Variants in MACROD2 observed in about 807,000 individuals in gnomAD.
MACROD2 encodes the protein ADP-ribose glycohydrolase MACROD2.
MACROD2 carries 36 observed loss-of-function variants against 70.4 expected under a neutral mutation model. The observed-to-expected ratio is 0.51, with a 90% confidence interval of 0.39 to 0.68. The LOEUF is 0.68. Among genes scored for constraint, MACROD2 ranks in the 30% least tolerant of loss-of-function variants. MACROD2 has a pLI of 0.00. For synonymous variants in MACROD2, 172 were observed against 178.8 expected (o/e 0.96, Z 0.30); for missense variants, 496 against 538.4 (o/e 0.92, Z 0.78).
chr20:14,127,337 G>A (rs2054664183), intron 3 of MACROD2: 1 of 322,584 alleles, frequency 3.1e-6, no homozygotes, highest in Non-Finnish European at 5.9e-6. Context: ...TTGGGCCATA[G>A]TGTGCAGGTA....
At chr20:14,190,952 C>A (rs1423535911) in intron 3 of MACROD2, among the ~76,000 whole-genome samples, 4 of 151,674 alleles carry the variant, frequency 2.6e-5, no homozygotes, top group African/African-American at 9.7e-5. Flanking sequence ...CATGATCCGC[C>A]CGCCTCGGCC....
chr20:15,570,864 G>C (rs1042817871), intron 8 of MACROD2, among the ~76,000 whole-genome samples: 2 of 152,012 alleles, frequency 1.3e-5, no homozygotes, highest in Non-Finnish European at 2.9e-5. Context: ...AGTAGAGGTT[G>C]TTGCCAGATC....
intron 5 of MACROD2, among the ~76,000 whole-genome samples, chr20:14,771,861 A>G (rs1023352028): frequency 3.3e-5 from 5 of 151,546 alleles, no homozygotes. Context: ...TCTTTTTTGT[A>G]TGTAACCCAT....
chr20:15,964,415 C>G (rs1460068665), intron 12 of MACROD2, among the ~76,000 whole-genome samples: 2 of 152,048 alleles, frequency 1.3e-5, no homozygotes, highest in Non-Finnish European at 2.9e-5. Flanking sequence ...GGTAAGGGGA[C>G]TCTCTGGGAC....
chr20:14,319,986 A>G (rs540110423), intron 3 of MACROD2, among the ~76,000 whole-genome samples: 3 of 152,282 alleles, frequency 2.0e-5, no homozygotes, highest in Non-Finnish European at 2.9e-5. Context: ...AACATTCTGT[A>G]GACATGTCCA....
Position 14,348,569 on chromosome 20 carries a change from A to C in MACROD2, c.272-144910A>C, listed in dbSNP as rs1018556194. Reference sequence around the variant, plus strand: ...TATTAGTAGACAAAAAAAAAAAAGAATTTCTTATCAGTTTAGGAAAACCAC... The same window carrying C: ...TATTAGTAGACAAAAAAAAAAAAGACTTTCTTATCAGTTTAGGAAAACCAC... On this transcript the variant is annotated intron_variant, in intron 3 of 17. Coordinates refer to ENST00000684519, the MANE Select transcript of MACROD2 (RefSeq NM_001351661.2). Among the ~76,000 whole-genome samples, 9 of 152,114 alleles carry C rather than the reference A, an allele frequency of 5.9e-5. No homozygotes were observed. The South Asian group carries it at 1.0e-3, about 18-fold the overall frequency.
At chr20:15,519,929 A>T (rs2047629137) in intron 8 of MACROD2, among the ~76,000 whole-genome samples, 2 of 152,194 alleles carry the variant, frequency 1.3e-5, no homozygotes, top group Non-Finnish European at 2.9e-5. Flanking sequence ...TCAAGGGCCG[A>T]CCTGCAAAGG....
chr20:14,911,449 C>T (rs1053990350), intron 5 of MACROD2, among the ~76,000 whole-genome samples: 1 of 152,076 alleles, frequency 6.6e-6, no homozygotes, highest in Admixed American at 6.6e-5. Flanking sequence ...ATGATCTTGG[C>T]TCACTGCAGC....
intron 6 of MACROD2, among the ~76,000 whole-genome samples, chr20:15,290,449 G>A (rs2079605352): frequency 6.6e-6 from 1 of 152,056 alleles, no homozygotes; most frequent in South Asian, 2.1e-4. Context: ...GGGCGACAGT[G>A]GTTTTGTTTA....
intron 5 of MACROD2, among the ~76,000 whole-genome samples, chr20:14,750,682 A>G (rs1207966759): frequency 6.7e-6 from 1 of 148,232 alleles, no homozygotes; most frequent in Non-Finnish European, 1.5e-5. Flanking sequence ...CTGGTGTTGA[A>G]CTCCTGGGCT....
At chr20:14,287,656 T>G (rs1317102601) in intron 3 of MACROD2, among the ~76,000 whole-genome samples, 3 of 152,114 alleles carry the variant, frequency 2.0e-5, no homozygotes, top group Non-Finnish European at 2.9e-5. Context: ...GAGTCTTCTG[T>G]TTAGGTTCCC....
chr20:15,302,222 C>G (rs991671340), intron 6 of MACROD2, among the ~76,000 whole-genome samples: 1 of 152,156 alleles, frequency 6.6e-6, no homozygotes, highest in South Asian at 2.1e-4. Context: ...TAATGTCTTT[C>G]TGAAGGTCAT....
Position 14,326,166 on chromosome 20 carries a change from C to T in MACROD2, c.272-167313C>T, listed in dbSNP as rs368369103. 43 of 1,613,692 alleles carry T rather than the reference C, an allele frequency of 2.7e-5. No individual in the cohort carries two copies. The Middle Eastern group carries it at 4.9e-4, about 19-fold the overall frequency. ...TTGTTTCTGTTATAGATCCAAATGC[C>T]GGGCTATGGCCCAGTTTAAGCCAGC... On this transcript the variant is annotated intron_variant, in intron 3 of 17. Transcript: ENST00000684519. This position sits in a 1 kb window ranked among gnomAD's most constrained non-coding sequence, Gnocchi z 5.5.
intron 17 of MACROD2, among the ~76,000 whole-genome samples, chr20:16,045,138 G>A (rs1013122932): frequency 1.8e-4 from 28 of 152,204 alleles, no homozygotes; most frequent in African/African-American, 6.0e-4. Flanking sequence ...CTGTGGACCC[G>A]TGCGTCTGCA....
rs1446857101 is a variant in MACROD2 at position 15,625,254 on chromosome 20, TATAAA to T, written c.645+125409_645+125413del. 9.3e-3 allele frequency among the ~76,000 whole-genome samples: 1,409 copies of T among 152,270 alleles called. 18 individuals carry two copies. Among genetic ancestry groups the T allele is most frequent in the African/African-American group, 0.032 (1,335 of 41,536 alleles). On this transcript the variant is annotated intron_variant, in intron 8 of 17. Coordinates refer to ENST00000684519, the MANE Select transcript of MACROD2 (RefSeq NM_001351661.2). ...AAGTGTAGAGAAGACCACAAGTGACTATAAAACGAGGAAGCCCCGTAGCTAAGGGA... is the reference window on the plus strand; with the variant it reads ...AAGTGTAGAGAAGACCACAAGTGACTACGAGGAAGCCCCGTAGCTAAGGGA...
rs371051684 is a variant in MACROD2, at chr20:14,908,661, G to C, written c.418+223702G>C. Reference sequence around the variant, plus strand: ...CTGGGTGACAGAGCAGACTCTGTCTGCCAGAAAAAAAAAAAAGTGTATCTT... The same window carrying C: ...CTGGGTGACAGAGCAGACTCTGTCTCCCAGAAAAAAAAAAAAGTGTATCTT... On this transcript the variant is annotated intron_variant, in intron 5 of 17. Transcript: ENST00000684519. Among the ~76,000 whole-genome samples, 156 of 151,434 alleles carry C rather than the reference G, an allele frequency of 1.0e-3. 2 individuals are homozygous for C. Among genetic ancestry groups the C allele is most frequent in the African/African-American group, 3.4e-3 (142 of 41,290 alleles).
chr20:15,009,911 T>C (rs140100520), intron 5 of MACROD2, among the ~76,000 whole-genome samples: 4 of 152,186 alleles, frequency 2.6e-5, no homozygotes, highest in African/African-American at 7.2e-5. Flanking sequence ...TTCCCAGATA[T>C]ATAAAGTGTC....
chr20:14,652,215 C>A (rs983743042), intron 4 of MACROD2, among the ~76,000 whole-genome samples: 2 of 152,130 alleles, frequency 1.3e-5, no homozygotes, highest in African/African-American at 4.8e-5. Flanking sequence ...AGAGATTTAT[C>A]TTTTAACCCC....
At chr20:14,068,053 A>G (rs185893571) in intron 2 of MACROD2, among the ~76,000 whole-genome samples, 2 of 152,244 alleles carry the variant, frequency 1.3e-5, no homozygotes, top group Non-Finnish European at 2.9e-5. Flanking sequence ...TAGAATTAGG[A>G]TGTCTGCAGA....
Sources: allele counts gnomAD v4.1 joint callset (sites outside exome capture counted in the v4.1 genomes callset), GRCh38; gene constraint gnomAD v4.1.1; non-coding constraint Gnocchi (gnomAD v3.1); transcripts MANE v1.5; gene names NCBI Gene and HGNC (gene_info 2026-07-23, HGNC 2026-07-21).